The following MALRD1 variants were observed in gnomAD, a reference collection of about 807,000 sequenced individuals.
MALRD1 encodes MAM and LDL-receptor class A domain-containing protein 1.
In MALRD1, 247 loss-of-function variants were observed where a neutral mutation model predicts 242.1. That is an observed-to-expected ratio of 1.02 (90% CI 0.92 to 1.13). The LOEUF is 1.13. Ranked by LOEUF, MALRD1 falls within the 50% of genes most tolerant of loss-of-function variation. The pLI is 0.00. For missense variants in MALRD1, 2,989 were observed against 2,533.1 expected (o/e 1.18, Z -3.86); for synonymous variants, 995 against 866.6 (o/e 1.15, Z -2.60).
chr10:19,725,270 G>C (rs1413995858), intron 38 of MALRD1, among the ~76,000 whole-genome samples: 2 of 152,108 alleles, frequency 1.3e-5, no homozygotes, highest in Non-Finnish European at 2.9e-5. Flanking sequence ...CATGGGGGTG[G>C]TTACCCTCAT....
At chr10:19,084,224 C>T (rs149420149) in intron 2 of MALRD1, among the ~76,000 whole-genome samples, 3 of 152,030 alleles carry the variant, frequency 2.0e-5, no homozygotes, top group Admixed American at 2.0e-4. Flanking sequence ...TCAAAGGAAA[C>T]AGAATTTAAT....
At chr10:19,520,745 C>G (rs10494867) in intron 31 of MALRD1, among the ~76,000 whole-genome samples, 1 of 151,692 alleles carries the variant, frequency 6.6e-6, no homozygotes, top group African/African-American at 2.4e-5. Context: ...AGTGATGTTT[C>G]GACAACAAAA....
intron 36 of MALRD1, among the ~76,000 whole-genome samples, chr10:19,673,483 A>G (rs931893268): frequency 1.3e-5 from 2 of 152,202 alleles, no homozygotes; most frequent in African/African-American, 2.4e-5. Flanking sequence ...CTGCAGCACC[A>G]TATACTCTTA....
chr10:19,205,761 G>T (rs771757633), intron 17 of MALRD1, among the ~76,000 whole-genome samples: 4 of 152,080 alleles, frequency 2.6e-5, no homozygotes, highest in African/African-American at 7.2e-5. Flanking sequence ...GAAGGGGAAA[G>T]AGGGCCCAAA....
chr10:19,531,221 A>G lies in MALRD1; in HGVS notation c.5348A>G (p.Asn1783Ser), dbSNP rs776464373. The G allele has an allele frequency of 4.7e-5, 73 of 1,550,074 alleles. No homozygotes were observed. Among genetic ancestry groups the G allele is most frequent in the Admixed American group, 5.9e-5 (3 of 50,936 alleles). ...PGSGQHFLYV[N>S]SSGSKEGSVA... The stretch of plus-strand genomic sequence containing the variant: ...AGTGGTCAGCACTTCCTGTACGTCA[A>G]CTCATCTGGCTCCAAGGAAGGATCC... Residue 1783 changes from asparagine (N) to serine (S), a missense_variant, in exon 32 of 40, where the codon AAC becomes AGC. Asn to Ser is a conservative substitution (Grantham distance 46). Coordinates refer to ENST00000454679, the MANE Select transcript of MALRD1 (RefSeq NM_001142308.3).
At chr10:19,052,044 A>C (rs139313328) in intron 1 of MALRD1, 8 of 388,962 alleles carry the variant, frequency 2.1e-5, no homozygotes, top group African/African-American at 1.5e-4. Flanking sequence ...AATTAATATG[A>C]ATGGAGTTAA....
chr10:19,293,775 G>A (rs1285749768), intron 21 of MALRD1, among the ~76,000 whole-genome samples: 9 of 152,098 alleles, frequency 5.9e-5, no homozygotes, highest in Non-Finnish European at 1.3e-4. Context: ...GTGGGAGGAG[G>A]AAGAGAACCA....
chr10:19,238,830 C>A, intron 18 of MALRD1, among the ~76,000 whole-genome samples: 1 of 150,880 alleles, frequency 6.6e-6, no homozygotes, highest in East Asian at 1.9e-4. Context: ...TACTAGTTTA[C>A]AATCCCATCA....
chr10:19,317,253 G>A (rs1239680762), intron 21 of MALRD1, among the ~76,000 whole-genome samples: 1 of 151,844 alleles, frequency 6.6e-6, no homozygotes, highest in South Asian at 2.1e-4. Flanking sequence ...CTTATTTGCA[G>A]ATAGAGACTT....
In MALRD1 at chr10:19,718,085, TAGA is replaced by T. The variant is rs202192875; in HGVS notation, c.6315-12608_6315-12606del. The stretch of plus-strand genomic sequence containing the variant: ...GAAGAAGAAGAAGGAGAGGAATAAG[TAGA>T]AGAAGAAGAAGAGGAAGAGGAAGAA... On this transcript the variant is annotated intron_variant, in intron 38 of 39. Coordinates refer to ENST00000454679, the MANE Select transcript of MALRD1 (RefSeq NM_001142308.3). 3.9e-3 allele frequency among the ~76,000 whole-genome samples: 413 copies of T among 105,762 alleles called. 11 individuals carry two copies. In the East Asian group the frequency reaches 0.067, roughly 17 times the overall value. The allele number at this position is 105,762 out of a possible 152,430, so 69.4% of individuals were successfully genotyped here.
chr10:19,657,778 A>C (rs2131724802), intron 36 of MALRD1, among the ~76,000 whole-genome samples: 1 of 152,264 alleles, frequency 6.6e-6, no homozygotes, highest in South Asian at 2.1e-4. Flanking sequence ...TTGTTATTTC[A>C]AAAATAAAGG....
At position 19,222,786 on chromosome 10, in the gene MALRD1, A is replaced by G. The variant is rs139178273; in HGVS notation, c.2991+13106A>G. 2.9e-3 allele frequency among the ~76,000 whole-genome samples: 435 copies of G among 152,264 alleles called. 1 individual carries two copies. Among genetic ancestry groups the G allele is most frequent in the African/African-American group, 0.01 (421 of 41,540 alleles). ...GTTAAGTACCATAACATATTGAACC[A>G]AATAGTTTTGCTTGCTTTATATTGA... On this transcript the variant is annotated intron_variant, in intron 18 of 39. Transcript: ENST00000454679.
chr10:19,727,847 C>G (rs916150809), intron 38 of MALRD1, among the ~76,000 whole-genome samples: 3 of 150,130 alleles, frequency 2.0e-5, no homozygotes, highest in Non-Finnish European at 3.0e-5. Flanking sequence ...TATAATGAAA[C>G]AAACATTTTA....
At chr10:19,224,463 G>T (rs117427154) in intron 18 of MALRD1, among the ~76,000 whole-genome samples, 6,550 of 151,778 alleles carry the variant, frequency 0.043, 188 homozygotes, top group Middle Eastern at 0.078. Context: ...AAGTTTTTTT[G>T]TGTGTTTTTG....
At chr10:19,116,770 G>A (rs958790020) in intron 5 of MALRD1, among the ~76,000 whole-genome samples, 7 of 152,098 alleles carry the variant, frequency 4.6e-5, no homozygotes, top group African/African-American at 1.7e-4. Flanking sequence ...ATATTGTACT[G>A]CCAGATTGTG....
At chr10:19,183,467 A>G (rs1030000874) in intron 14 of MALRD1, among the ~76,000 whole-genome samples, 4 of 152,168 alleles carry the variant, frequency 2.6e-5, no homozygotes, top group Non-Finnish European at 5.9e-5. Context: ...CAGGATTTCT[A>G]TTTATGAACT....
intron 14 of MALRD1, among the ~76,000 whole-genome samples, chr10:19,180,898 G>A (rs1835474285): frequency 6.6e-6 from 1 of 152,120 alleles, no homozygotes; most frequent in Non-Finnish European, 1.5e-5. Context: ...AATGGGCAAA[G>A]GCCCTGAATA....
intron 36 of MALRD1, among the ~76,000 whole-genome samples, chr10:19,636,319 T>C (rs1329513725): frequency 1.3e-5 from 2 of 152,066 alleles, no homozygotes; most frequent in Non-Finnish European, 2.9e-5. Context: ...CCCATTGACT[T>C]TCCAATAAAG....
intron 29 of MALRD1, among the ~76,000 whole-genome samples, chr10:19,472,045 CA>C (rs1311538360): frequency 6.6e-6 from 1 of 151,892 alleles, no homozygotes; most frequent in Non-Finnish European, 1.5e-5. Flanking sequence ...ATTGAGCTTT[CA>C]CATATGGCTT....
Sources: gnomAD v4.1 joint callset for allele counts (sites outside exome capture counted in the v4.1 genomes callset) on GRCh38, gnomAD v4.1.1 for gene constraint, MANE v1.5 for transcripts, NCBI Gene and HGNC (gene_info 2026-07-23, HGNC 2026-07-21) for gene names.